Variants in SPEN observed in about 807,000 individuals in gnomAD.
SPEN encodes the protein msx2-interacting protein.
SPEN carries 18 observed loss-of-function variants against 269.9 expected under a neutral mutation model. The observed-to-expected ratio is 0.07, with a 90% CI of 0.05 to 0.10. The LOEUF (loss-of-function observed/expected upper bound fraction) is 0.10, where lower values mean the gene tolerates loss of function less well. SPEN is among the 10% of genes least tolerant of loss of function. The pLI is 1.00. For synonymous variants in SPEN, 1,726 were observed against 1,765.7 expected (o/e 0.98, Z 0.56); for missense variants, 3,822 against 4,631.2 (o/e 0.83, Z 5.07).
At chr1:15,901,935 T>G (rs1367829352) in intron 3 of SPEN, among the ~76,000 whole-genome samples, 4 of 145,634 alleles carry the variant, frequency 2.7e-5, no homozygotes, top group African/African-American at 7.6e-5. Flanking sequence ...TTAGTTTTTT[T>G]TTTTTTTTTT....
At chr1:15,873,681 C>T in intron 2 of SPEN, 1 of 998,996 alleles carries the variant, frequency 1.0e-6, no homozygotes, top group Non-Finnish European at 1.2e-6. Flanking sequence ...GAAATGTGTA[C>T]TTGGATGAAG....
intron 3 of SPEN, among the ~76,000 whole-genome samples, chr1:15,886,113 GTTTTGTTT>G (rs1239055520): frequency 1.3e-5 from 2 of 152,156 alleles, no homozygotes; most frequent in East Asian, 1.9e-4. Context: ...TTTTAGTAAA[GTTTTGTTT>G]TTTTGTTTTT....
intron 1 of SPEN, among the ~76,000 whole-genome samples, chr1:15,861,134 CTT>C (rs1169274095): frequency 5.1e-5 from 7 of 136,074 alleles, no homozygotes; most frequent in Non-Finnish European, 4.8e-5. Context: ...GGCTGAGTGA[CTT>C]TTTTTTTTTT....
In SPEN at chr1:15,876,330, T is replaced by C. The variant is rs372210294; in HGVS notation, c.533T>C (p.Leu178Ser). The C allele has an allele frequency of 7.4e-6, 12 of 1,613,880 alleles. No individual in the cohort carries two copies. Among genetic ancestry groups the C allele is most frequent in the African/African-American group, 1.3e-5 (1 of 74,868 alleles). ...DYYRDPRERT[L>S]QHGLYYASRS... The stretch of plus-strand genomic sequence containing the variant: ...TATAGAGATCCTCGAGAGCGGACTT[T>C]ACAACATGGGCTCTATTACGCTTCT... The change falls in exon 3 of 15, where the codon TTA becomes TCA. Residue 178 changes from leucine to serine, a missense_variant. Physicochemically the swap from Leu to Ser is moderately radical, Grantham distance 145 (BLOSUM62 -2). This residue lies in a region of SPEN where 327 missense variants were observed against 350.8 expected (regional missense o/e 0.93). Coordinates refer to ENST00000375759, the MANE Select transcript of SPEN (RefSeq NM_015001.3).
chr1:15,934,895 G>T lies in SPEN; in HGVS notation c.8655G>T (p.Thr2885=). The T allele has an allele frequency of 6.2e-7, 1 of 1,614,086 alleles. No individual in the cohort carries two copies. Among genetic ancestry groups the T allele is most frequent in the Non-Finnish European group, 8.5e-7 (1 of 1,180,026 alleles). The change falls in exon 11 of 15, where the codon ACG becomes ACT. Residue 2885 remains threonine, a synonymous_variant. Coordinates refer to ENST00000375759, the MANE Select transcript of SPEN (RefSeq NM_015001.3). This position sits in a 1 kb window ranked among gnomAD's most constrained non-coding sequence, Gnocchi z 9.2. ...AGYANVATHS[T]LVLTAQTYNA... ...ATGCGAACGTGGCCACCCATTCCACGTTGGTACTGACCGCCCAGACATATA... is the reference window on the plus strand; with the variant it reads ...ATGCGAACGTGGCCACCCATTCCACTTTGGTACTGACCGCCCAGACATATA...
rs1238113512 is a variant in SPEN at position 15,932,258 on chromosome 1, G to A, written c.6018G>A (p.Val2006=). The stretch of plus-strand genomic sequence containing the variant: ...AAAAGGGAAAAAATGAACCGAAGGT[G>A]GATGCTACACGTCCTGAGGCCACCA... ...QGKKGKNEPK[V]DATRPEATTE... Residue 2006 remains valine (V), a synonymous_variant, in exon 11 of 15, where the codon GTG becomes GTA. Coordinates refer to ENST00000375759, the MANE Select transcript of SPEN (RefSeq NM_015001.3). The surrounding 1 kb of genome is among the most constrained non-coding windows in gnomAD (Gnocchi z 4.2). The A allele has an allele frequency of 2.5e-6, 4 of 1,611,128 alleles. No individual in the cohort carries two copies. Among genetic ancestry groups the A allele is most frequent in the Non-Finnish European group, 3.4e-6 (4 of 1,178,998 alleles).
At chr1:15,871,048 C>T (rs2070567961) in intron 1 of SPEN, among the ~76,000 whole-genome samples, 1 of 149,834 alleles carries the variant, frequency 6.7e-6, no homozygotes. Context: ...CCCACTGCGT[C>T]CTCACCGCCT....
intron 3 of SPEN, among the ~76,000 whole-genome samples, chr1:15,903,390 G>A (rs1487548458): frequency 1.3e-5 from 2 of 152,102 alleles, no homozygotes; most frequent in South Asian, 2.1e-4. Flanking sequence ...AATGTGGTTA[G>A]GAAAAGTGGA....
chr1:15,907,256 C>T lies in SPEN; in HGVS notation c.882-2065C>T, dbSNP rs535720553. 3.0e-4 allele frequency among the ~76,000 whole-genome samples: 45 copies of T among 152,022 alleles called. 1 individual carries two copies. In the South Asian group the frequency reaches 7.7e-3, roughly 26 times the overall value. ...CAGCACATTGGGAGGCTGAGGTGGG[C>T]GGATCACTTGAGGTCAGGAGTTTGA... On this transcript the variant is annotated intron_variant, in intron 3 of 14. Coordinates refer to ENST00000375759, the MANE Select transcript of SPEN (RefSeq NM_015001.3).
At position 15,933,472 on chromosome 1, in the gene SPEN, C is replaced by T. The variant is rs2071243064; in HGVS notation, c.7232C>T (p.Ser2411Leu). 3.1e-6 allele frequency: 5 copies of T among 1,614,154 alleles called. No homozygotes were observed. Among genetic ancestry groups the T allele is most frequent in the Non-Finnish European group, 4.2e-6 (5 of 1,180,022 alleles). ...DLSKIPSTENSSQEISVEERT... is the reference protein window; with the variant it reads ...DLSKIPSTENLSQEISVEERT... The stretch of plus-strand genomic sequence containing the variant: ...AGCAAGATTCCCTCCACAGAGAATT[C>T]GTCCCAAGAAATCAGTGTTGAGGAA... The change falls in exon 11 of 15, where the codon TCG becomes TTG. Residue 2411 changes from serine to leucine, a missense_variant. Coordinates refer to ENST00000375759, the MANE Select transcript of SPEN (RefSeq NM_015001.3). The surrounding 1 kb of genome is among the most constrained non-coding windows in gnomAD (Gnocchi z 5.7).
rs980271845 is a variant in SPEN at position 15,870,127 on chromosome 1, C to G, written c.84-2689C>G. The stretch of plus-strand genomic sequence containing the variant: ...TCAGGTGATCCACCTGCCTCGGCCT[C>G]CCAAAGTGCTGCGATTACAGGTGTG... On this transcript the variant is annotated intron_variant, in intron 1 of 14. Coordinates refer to ENST00000375759, the MANE Select transcript of SPEN (RefSeq NM_015001.3). Among the ~76,000 whole-genome samples the G allele has an allele frequency of 3.3e-5, 5 of 152,252 alleles. No individual in the cohort carries two copies. In the South Asian group the frequency reaches 1.0e-3, roughly 32 times the overall value.
intron 10 of SPEN, among the ~76,000 whole-genome samples, chr1:15,924,937 G>C (rs978521847): frequency 2.6e-5 from 4 of 152,168 alleles, no homozygotes; most frequent in African/African-American, 9.7e-5. Flanking sequence ...AGTGCTTATG[G>C]AATGCATTCC....
At chr1:15,883,537 C>T (rs1024729959) in intron 3 of SPEN, among the ~76,000 whole-genome samples, 1 of 151,646 alleles carries the variant, frequency 6.6e-6, no homozygotes, top group African/African-American at 2.4e-5. Context: ...TCTCACGCCT[C>T]AGCCTCCTGA....
Position 15,848,438 on chromosome 1 carries a change from C to G in SPEN, c.83+288C>G, listed in dbSNP as rs1303479367. Among the ~76,000 whole-genome samples the G allele has an allele frequency of 6.6e-6, 1 of 151,762 alleles. No homozygotes were observed. Among genetic ancestry groups the G allele is most frequent in the African/African-American group, 2.4e-5 (1 of 41,414 alleles). Reference sequence around the variant, plus strand: ...GGCTCGGCCTCCACGCAGCCGGCGCCCCGGGGCTGCCCTCGCGTCAGCCCG... The same window carrying G: ...GGCTCGGCCTCCACGCAGCCGGCGCGCCGGGGCTGCCCTCGCGTCAGCCCG... On this transcript the variant is annotated intron_variant, in intron 1 of 14. Coordinates refer to ENST00000375759, the MANE Select transcript of SPEN (RefSeq NM_015001.3). This position sits in a 1 kb window ranked among gnomAD's most constrained non-coding sequence, Gnocchi z 5.1.
chr1:15,857,800 A>G (rs941606868), intron 1 of SPEN, among the ~76,000 whole-genome samples: 1 of 152,192 alleles, frequency 6.6e-6, no homozygotes, highest in East Asian at 1.9e-4. Context: ...ATCTGGGACT[A>G]TAGGCATGAG....
chr1:15,910,097 C>A (rs2070998112), intron 4 of SPEN, among the ~76,000 whole-genome samples: 1 of 140,178 alleles, frequency 7.1e-6, no homozygotes, highest in Non-Finnish European at 1.5e-5. Flanking sequence ...GCACTCCAGC[C>A]TGGGCGACAG....
chr1:15,861,217 C>T (rs1569972552), intron 1 of SPEN, among the ~76,000 whole-genome samples: 1 of 150,284 alleles, frequency 6.7e-6, no homozygotes. Context: ...CACTGCATTC[C>T]ACCTCCCGGG....
At chr1:15,861,134 C>CTT (rs1169274095) in intron 1 of SPEN, among the ~76,000 whole-genome samples, 4 of 136,124 alleles carry the variant, frequency 2.9e-5, no homozygotes, top group South Asian at 2.3e-4. Flanking sequence ...GGCTGAGTGA[C>CTT]TTTTTTTTTT....
At chr1:15,859,353 CTTTTCTTTT>C (rs1039885225) in intron 1 of SPEN, among the ~76,000 whole-genome samples, 9 of 105,198 alleles carry the variant, frequency 8.6e-5, no homozygotes, top group African/African-American at 3.5e-4. Flanking sequence ...TTTTCTTTTT[CTTTTCTTTT>C]TTTTTTTTTT....
Sources: gnomAD v4.1 joint callset for allele counts (sites outside exome capture counted in the v4.1 genomes callset) on GRCh38, gnomAD v4.1.1 for gene constraint, gnomAD v4.1.1 regional missense constraint, Gnocchi (gnomAD v3.1) non-coding constraint, MANE v1.5 for transcripts, NCBI Gene and HGNC (gene_info 2026-07-23, HGNC 2026-07-21) for gene names.